Variants in TRIM9 observed in about 807,000 individuals in gnomAD.
TRIM9 encodes the protein tripartite motif containing 9.
Under a neutral mutation model 78.3 loss-of-function variants are expected in TRIM9, and 26 were observed. That is an observed-to-expected ratio of 0.33 (90% CI 0.24 to 0.46). TRIM9 has a LOEUF of 0.46. TRIM9 is among the 20% of genes least tolerant of loss of function. The probability of loss-of-function intolerance (pLI) is 1.00; values close to 1 mark genes in which losing one functional copy is unlikely to be tolerated. For synonymous variants in TRIM9, 398 were observed against 416.5 expected, an observed-to-expected ratio of 0.96 and a Z score of 0.54; for missense variants, 787 against 1,036.4, an observed-to-expected ratio of 0.76 and a Z score of 3.30.
At position 50,977,196 on chromosome 14, in the gene TRIM9, C is replaced by T. The variant is rs183236559; in HGVS notation, c.*95G>A. On this transcript the variant is annotated 3_prime_UTR_variant, in exon 13 of 13. Coordinates refer to ENST00000684578, the MANE Select transcript of TRIM9 (RefSeq NM_001387360.1). ...TTCTCTCCTCCTTCTCCCACTCCTG[C>T]CAACTCTGCACCCCACCACGGCTGG... 28 of 1,060,856 alleles carry T rather than the reference C, an allele frequency of 2.6e-5. No individual in the cohort carries two copies. In the African/African-American group the frequency reaches 4.4e-4, roughly 17 times the overall value. 65.7% of individuals were successfully genotyped at this position (1,060,856 alleles called of 1,614,324 possible). A position where few individuals can be genotyped will look rare whatever the true frequency, so the allele number is the denominator to read the frequency against.
intron 6 of TRIM9, among the ~76,000 whole-genome samples, chr14:51,000,122 A>G (rs1455877845): frequency 6.6e-6 from 1 of 152,200 alleles, no homozygotes; most frequent in Non-Finnish European, 1.5e-5. Flanking sequence ...ATAACAGGAG[A>G]CCATGTCAAT....
intron 10 of TRIM9, 91 bp downstream of exon 10, chr14:50,982,851 G>C: frequency 1.6e-6 from 2 of 1,220,932 alleles, no homozygotes; most frequent in Non-Finnish European, 2.3e-6. Context: ...TCACACTCGA[G>C]AGATGTAATT....
At chr14:50,988,924 T>C (rs1178266543) in intron 7 of TRIM9, among the ~76,000 whole-genome samples, 1 of 152,140 alleles carries the variant, frequency 6.6e-6, no homozygotes, top group African/African-American at 2.4e-5. Context: ...CCCCTTGAAG[T>C]CCCCTGGGAT....
intron 1 of TRIM9, among the ~76,000 whole-genome samples, chr14:51,046,737 C>T (rs1357722350): frequency 6.6e-6 from 1 of 152,130 alleles, no homozygotes; most frequent in Non-Finnish European, 1.5e-5. Flanking sequence ...CATGTATTAC[C>T]CGTAAAACCC....
chr14:51,046,042 G>GA (rs988027900), intron 1 of TRIM9, among the ~76,000 whole-genome samples: 5 of 150,740 alleles, frequency 3.3e-5, no homozygotes, highest in African/African-American at 7.3e-5. Context: ...ATGTTCGTTG[G>GA]AAAAAAAAGC....
chr14:51,024,694 A>G (rs966337444), intron 2 of TRIM9, among the ~76,000 whole-genome samples: 1 of 152,222 alleles, frequency 6.6e-6, no homozygotes, highest in African/African-American at 2.4e-5. Flanking sequence ...CCAGGGGATC[A>G]TGGTTGAAAA....
chr14:51,025,544 C>T (rs983746018), intron 1 of TRIM9, among the ~76,000 whole-genome samples, 184 bp from the exon 2 acceptor site: 18 of 152,186 alleles, frequency 1.2e-4, no homozygotes, highest in African/African-American at 4.3e-4. Context: ...TGAGTAGTTT[C>T]TCCTTGGAAG....
chr14:51,004,583 C>G (rs943382297), intron 5 of TRIM9, among the ~76,000 whole-genome samples: 1 of 152,164 alleles, frequency 6.6e-6, no homozygotes, highest in Non-Finnish European at 1.5e-5. Context: ...ATAAGGGATG[C>G]TTTCAAGCAC....
At chr14:51,048,451 T>C (rs543306620) in intron 1 of TRIM9, among the ~76,000 whole-genome samples, 30 of 152,368 alleles carry the variant, frequency 2.0e-4, no homozygotes, top group Admixed American at 4.6e-4. Flanking sequence ...AGAAAGTTCA[T>C]GTGTTTGTCT....
In TRIM9 at chr14:51,001,323, G is replaced by A. The variant is rs1329842669; in HGVS notation, c.1307-483C>T. ...CGGCTCACTGCAAGCTCCGCCTCCC[G>A]GGTTCACACCATTCTCCTGCCTCAG... On this transcript the variant is annotated intron_variant, in intron 5 of 12. Coordinates refer to ENST00000684578, the MANE Select transcript of TRIM9 (RefSeq NM_001387360.1). Among the ~76,000 whole-genome samples, 3 of 150,216 alleles carry A rather than the reference G, an allele frequency of 2.0e-5. No individual in the cohort carries two copies. The Admixed American group carries it at 2.0e-4, about 10-fold the overall frequency.
At chr14:51,070,404 G>A (rs934363226) in intron 1 of TRIM9, among the ~76,000 whole-genome samples, 1 of 152,004 alleles carries the variant, frequency 6.6e-6, no homozygotes, top group African/African-American at 2.4e-5. Context: ...ATTTCCCCTA[G>A]GAGCAATATT....
intron 5 of TRIM9, among the ~76,000 whole-genome samples, chr14:51,006,489 G>A (rs1433351469): frequency 1.3e-5 from 2 of 152,082 alleles, no homozygotes. Flanking sequence ...ATGACCTTTG[G>A]CTTTTTCTTT....
intron 12 of TRIM9, 48 bp from the exon 13 acceptor site, chr14:50,977,401 T>C (rs2051182568): frequency 1.4e-6 from 2 of 1,426,518 alleles, no homozygotes; most frequent in African/African-American, 1.5e-5. Flanking sequence ...CATCCCCCTG[T>C]CCCTTTACAC....
At chr14:50,983,446 C>T (rs1250232860) in intron 8 of TRIM9, 25 bp from the exon 9 acceptor site, 30 of 1,517,312 alleles carry the variant, frequency 2.0e-5, no homozygotes, top group Admixed American at 6.2e-5. Flanking sequence ...TACACATCAA[C>T]GCTATGAAAC....
At chr14:50,981,053 T>A (rs181346251) in intron 11 of TRIM9, among the ~76,000 whole-genome samples, 1 of 151,876 alleles carries the variant, frequency 6.6e-6, no homozygotes. Flanking sequence ...TGGACCAGGG[T>A]CCACAGTAGA....
intron 7 of TRIM9, among the ~76,000 whole-genome samples, chr14:50,987,889 C>T (rs1276815792): frequency 6.6e-6 from 1 of 152,198 alleles, no homozygotes; most frequent in Non-Finnish European, 1.5e-5. Flanking sequence ...GCAACCTTTG[C>T]TTCCTGGATC....
chr14:51,059,623 C>T (rs566052605), intron 1 of TRIM9, among the ~76,000 whole-genome samples: 15 of 152,080 alleles, frequency 9.9e-5, no homozygotes, highest in Admixed American at 8.5e-4. Context: ...TAGGGTGAAA[C>T]CCCATCTCTA....
At chr14:51,004,612 G>C (rs1278685399) in intron 5 of TRIM9, among the ~76,000 whole-genome samples, 1 of 152,158 alleles carries the variant, frequency 6.6e-6, no homozygotes, top group South Asian at 2.1e-4. Flanking sequence ...ATGCCAGAGA[G>C]TGTTGTGAGA....
intron 3 of TRIM9, among the ~76,000 whole-genome samples, chr14:51,016,470 C>T (rs936127671): frequency 6.9e-6 from 1 of 145,870 alleles, no homozygotes; most frequent in Non-Finnish European, 1.5e-5. Context: ...CCCCCCCACC[C>T]CCTACCCCCC....
Sources: allele counts gnomAD v4.1 joint callset (sites outside exome capture counted in the v4.1 genomes callset), GRCh38; gene constraint gnomAD v4.1.1; transcripts MANE v1.5; gene names NCBI Gene and HGNC (gene_info 2026-07-23, HGNC 2026-07-21).